The following BMAL2 variants were observed in gnomAD, a reference collection of about 807,000 sequenced individuals.
The protein encoded by BMAL2 is basic helix-loop-helix ARNT like 2.
At chr12:27,389,439 AATAT>A in the BMAL2 span, 3 of 592,276 alleles carry the variant, frequency 5.1e-6, no homozygotes, top group East Asian at 2.9e-5. Context: ...ATACTTAATA[AATAT>A]ATATAGCTAT....
At chr12:27,406,727 A>G in the BMAL2 span, among the ~76,000 whole-genome samples, 1 of 152,216 alleles carries the variant, frequency 6.6e-6, no homozygotes, top group East Asian at 1.9e-4. Flanking sequence ...GACAGGATCA[A>G]ATTCCCACAT....
At chr12:27,336,067 T>C in the BMAL2 span, among the ~76,000 whole-genome samples, 1 of 152,202 alleles carries the variant, frequency 6.6e-6, no homozygotes, top group Non-Finnish European at 1.5e-5. Context: ...AAATAACAAT[T>C]CATTCTGGTA....
chr12:27,344,761 T>C, the BMAL2 span, among the ~76,000 whole-genome samples: 26 of 152,244 alleles, frequency 1.7e-4, no homozygotes, highest in Non-Finnish European at 3.5e-4. Flanking sequence ...GATTGTAGTG[T>C]AGCCAAGATG....
At chr12:27,407,222 T>A in the BMAL2 span, among the ~76,000 whole-genome samples, 1 of 152,274 alleles carries the variant, frequency 6.6e-6, no homozygotes, top group East Asian at 1.9e-4. Context: ...GGAACTGAAC[T>A]CAGCTCTGCA....
chr12:27,422,539 T>TGATAGTGTCCCAG, the BMAL2 span: 261 of 152,332 alleles, frequency 1.7e-3, no homozygotes, highest in African/African-American at 6.0e-3. Flanking sequence ...CCTCTTGAAC[T>TGATAGTGTCCCAG]GATAGTGTCC....
the BMAL2 span, among the ~76,000 whole-genome samples, chr12:27,336,430 T>C: frequency 4.6e-5 from 7 of 152,264 alleles, no homozygotes; most frequent in South Asian, 1.2e-3. Flanking sequence ...TAAGCCCTTA[T>C]TGGAGCTAGG....
At chr12:27,355,830 G>C in the BMAL2 span, among the ~76,000 whole-genome samples, 2 of 152,152 alleles carry the variant, frequency 1.3e-5, no homozygotes, top group Non-Finnish European at 2.9e-5. Flanking sequence ...TTAGTTTATG[G>C]AGCCTGAGAC....
the BMAL2 span, chr12:27,385,689 A>G: frequency 3.4e-6 from 2 of 594,076 alleles, no homozygotes; most frequent in Non-Finnish European, 5.8e-6. Context: ...ATTTCCTTTA[A>G]TATAGAAGTT....
At chr12:27,406,361 C>G in the BMAL2 span, among the ~76,000 whole-genome samples, 3 of 152,182 alleles carry the variant, frequency 2.0e-5, no homozygotes, top group Non-Finnish European at 4.4e-5. Flanking sequence ...AGGTTACCCA[C>G]AAAGGGAAGC....
the BMAL2 span, among the ~76,000 whole-genome samples, chr12:27,397,342 T>G: frequency 6.6e-6 from 1 of 152,240 alleles, no homozygotes; most frequent in South Asian, 2.1e-4. Flanking sequence ...AGTGCTGGGA[T>G]TATAGGCGTG....
chr12:27,355,589 T>C, the BMAL2 span, among the ~76,000 whole-genome samples: 4 of 152,206 alleles, frequency 2.6e-5, no homozygotes, highest in Non-Finnish European at 5.9e-5. Flanking sequence ...CTGTTTATCC[T>C]TTCGAACTTC....
the BMAL2 span, chr12:27,423,132 T>G: frequency 6.6e-6 from 1 of 152,224 alleles, no homozygotes; most frequent in African/African-American, 2.4e-5. Flanking sequence ...AGGTTTGTGT[T>G]TCCTTCAAAA....
At chr12:27,351,783 G>A in the BMAL2 span, among the ~76,000 whole-genome samples, 2 of 151,300 alleles carry the variant, frequency 1.3e-5, no homozygotes, top group East Asian at 3.9e-4. Flanking sequence ...GCCTTCAGTG[G>A]TGTGGCATGC....
At chr12:27,411,927 A>G in the BMAL2 span, among the ~76,000 whole-genome samples, 3 of 152,152 alleles carry the variant, frequency 2.0e-5, no homozygotes, top group Admixed American at 1.3e-4. Flanking sequence ...GCCAAATCCA[A>G]TGTCATGAGG....
chr12:27,365,022 T>C, the BMAL2 span, among the ~76,000 whole-genome samples: 1 of 152,128 alleles, frequency 6.6e-6, no homozygotes, highest in Non-Finnish European at 1.5e-5. Flanking sequence ...TAATGATTTA[T>C]ATGTTGATTA....
the BMAL2 span, among the ~76,000 whole-genome samples, chr12:27,344,078 A>G: frequency 2.0e-5 from 3 of 152,310 alleles, no homozygotes; most frequent in African/African-American, 7.2e-5. Context: ...GCAACTTATG[A>G]GGTAGGTACT....
the BMAL2 span, among the ~76,000 whole-genome samples, chr12:27,371,713 C>A: frequency 9.3e-6 from 1 of 107,352 alleles, no homozygotes; most frequent in Admixed American, 8.4e-5. Flanking sequence ...ATGGTAAATA[C>A]ATACACACAC....
At chr12:27,385,820 A>G in the BMAL2 span, among the ~76,000 whole-genome samples, 2 of 151,994 alleles carry the variant, frequency 1.3e-5, no homozygotes, top group Non-Finnish European at 2.9e-5. Flanking sequence ...TATACTACCC[A>G]TCTCTCACAC....
the BMAL2 span, among the ~76,000 whole-genome samples, chr12:27,408,174 G>A: frequency 1.3e-5 from 2 of 152,084 alleles, no homozygotes; most frequent in African/African-American, 4.8e-5. Context: ...ACAAGGAGGA[G>A]CTGGTACCAT....
Sources: gnomAD v4.1 joint callset for allele counts (sites outside exome capture counted in the v4.1 genomes callset) on GRCh38, gnomAD v4.1.1 for gene constraint, MANE v1.5 for transcripts, NCBI Gene and HGNC (gene_info 2026-07-23, HGNC 2026-07-21) for gene names.